The following SLC35F4 variants were observed in gnomAD, a reference collection of about 807,000 sequenced individuals.
The protein encoded by SLC35F4 is chromosome 14 open reading frame 36.
A neutral mutation model predicts 44.2 loss-of-function variants in SLC35F4; 24 were observed. The observed-to-expected ratio is 0.54, with a 90% CI of 0.39 to 0.76. The LOEUF is 0.76. Among genes scored for constraint, SLC35F4 ranks in the 30% least tolerant of loss-of-function variants. The pLI is 0.00. For synonymous variants in SLC35F4, 238 were observed against 223.6 expected (o/e 1.06, Z -0.57); for missense variants, 562 against 586.1 (o/e 0.96, Z 0.42).
intron 1 of SLC35F4, among the ~76,000 whole-genome samples, chr14:57,835,118 A>G (rs1252649941): frequency 6.6e-6 from 1 of 152,218 alleles, no homozygotes; most frequent in Non-Finnish European, 1.5e-5. Context: ...TGCCACAGAA[A>G]CATGAAAATA....
intron 1 of SLC35F4, among the ~76,000 whole-genome samples, chr14:57,764,312 T>TAA (rs138668288): frequency 1.3e-5 from 2 of 148,422 alleles, no homozygotes; most frequent in Non-Finnish European, 3.0e-5. Flanking sequence ...CTGTAGGTTC[T>TAA]AAAAAAAAAA....
At chr14:57,743,589 T>G (rs1051166614) in intron 1 of SLC35F4, among the ~76,000 whole-genome samples, 1 of 152,148 alleles carries the variant, frequency 6.6e-6, no homozygotes, top group African/African-American at 2.4e-5. Flanking sequence ...ATTAATAGCC[T>G]ACCAACCAGA....
chr14:57,647,059 GA>G (rs1247542210), intron 1 of SLC35F4, among the ~76,000 whole-genome samples: 1 of 152,090 alleles, frequency 6.6e-6, no homozygotes, highest in Non-Finnish European at 1.5e-5. Context: ...GTCAATTTTG[GA>G]ATAGGTGTCA....
chr14:57,604,773 A>G (rs2071049078), intron 1 of SLC35F4, among the ~76,000 whole-genome samples: 1 of 152,222 alleles, frequency 6.6e-6, no homozygotes. Flanking sequence ...AGACCAATGG[A>G]ACAGAATAGA....
chr14:57,565,724 G>T (rs2068173061), intron 7 of SLC35F4, among the ~76,000 whole-genome samples: 1 of 149,030 alleles, frequency 6.7e-6, no homozygotes, highest in African/African-American at 2.4e-5. Context: ...TTTCATGTAG[G>T]TTGGCCTTCT....
chr14:57,706,215 T>C (rs8015832), intron 1 of SLC35F4, among the ~76,000 whole-genome samples: 11,175 of 152,256 alleles, frequency 0.073, 994 homozygotes, highest in African/African-American at 0.21. Context: ...TCCATCTATG[T>C]AAAAAATTTA....
At chr14:57,672,285 A>G (rs2074545202) in intron 1 of SLC35F4, among the ~76,000 whole-genome samples, 1 of 152,056 alleles carries the variant, frequency 6.6e-6, no homozygotes. Flanking sequence ...AAGATCCTGC[A>G]AACATCCCAC....
chr14:57,565,380 G>A (rs1198267994), intron 7 of SLC35F4, among the ~76,000 whole-genome samples: 1 of 152,136 alleles, frequency 6.6e-6, no homozygotes, highest in Admixed American at 6.5e-5. Context: ...GAAGCCTTTT[G>A]GATGCTCCTC....
At chr14:57,608,370 A>T (rs1056349740) in intron 1 of SLC35F4, among the ~76,000 whole-genome samples, 2 of 152,182 alleles carry the variant, frequency 1.3e-5, no homozygotes, top group Non-Finnish European at 2.9e-5. Flanking sequence ...AAAAAGGGAA[A>T]ACTTGGGCAC....
intron 4 of SLC35F4, among the ~76,000 whole-genome samples, chr14:57,573,444 G>T (rs916027547): frequency 6.6e-6 from 1 of 152,212 alleles, no homozygotes. Flanking sequence ...ATTCTCTGAA[G>T]CTGCCGGGTG....
chr14:57,825,286 AAT>A (rs1257740465), intron 1 of SLC35F4, among the ~76,000 whole-genome samples: 1 of 152,178 alleles, frequency 6.6e-6, no homozygotes, highest in Non-Finnish European at 1.5e-5. Flanking sequence ...AAGCCTTAGA[AAT>A]GTCTGGGAAA....
At chr14:57,915,369 GTCAC>G (rs1889302525) in intron 1 of SLC35F4, among the ~76,000 whole-genome samples, 1 of 152,080 alleles carries the variant, frequency 6.6e-6, no homozygotes, top group Non-Finnish European at 1.5e-5. Flanking sequence ...TTAACAAATG[GTCAC>G]TTGGCCACAC....
At chr14:57,593,805 G>T in intron 2 of SLC35F4, 134 bp downstream of exon 2, 1 of 927,432 alleles carries the variant, frequency 1.1e-6, no homozygotes. Context: ...CTTATCCTCC[G>T]GCTTGATAAA....
intron 1 of SLC35F4, among the ~76,000 whole-genome samples, chr14:57,803,646 A>G (rs1880941283): frequency 7.1e-6 from 1 of 141,778 alleles, no homozygotes; most frequent in African/African-American, 2.7e-5. Context: ...CTGGGGTACG[A>G]AGGCACGATC....
In SLC35F4 at chr14:57,602,039, A is replaced by G. The variant is rs1006757155; in HGVS notation, c.104-7915T>C. On this transcript the variant is annotated intron_variant, in intron 1 of 7. Transcript: ENST00000556826. ...TCCTTCTGTAGGCAAAAAGGTTACA[A>G]TCTTGCTGGGAAGATAATATATATT... 2.6e-5 allele frequency among the ~76,000 whole-genome samples: 4 copies of G among 152,186 alleles called. No homozygotes were observed. The East Asian group carries it at 5.8e-4, about 22-fold the overall frequency.
intron 1 of SLC35F4, among the ~76,000 whole-genome samples, chr14:57,616,405 C>T (rs186003119): frequency 1.8e-4 from 28 of 152,266 alleles, no homozygotes; most frequent in Non-Finnish European, 4.4e-5. Flanking sequence ...TGATTAACTG[C>T]CCCCTTGGGT....
At chr14:57,650,228 G>A (rs1372706250) in intron 1 of SLC35F4, among the ~76,000 whole-genome samples, 1 of 152,044 alleles carries the variant, frequency 6.6e-6, no homozygotes, top group Non-Finnish European at 1.5e-5. Flanking sequence ...ATCATTCCAA[G>A]TTGTCTCTAG....
At chr14:57,676,270 G>C (rs752401672) in intron 1 of SLC35F4, among the ~76,000 whole-genome samples, 21 of 152,222 alleles carry the variant, frequency 1.4e-4, no homozygotes, top group Admixed American at 1.1e-3. Flanking sequence ...ACTAGATCAT[G>C]TCCTTTGCAG....
At position 57,766,854 on chromosome 14, in the gene SLC35F4, A is replaced by G. The variant is rs115389008; in HGVS notation, c.103+98869T>C. Among the ~76,000 whole-genome samples, 1,022 of 152,348 alleles carry G rather than the reference A, an allele frequency of 6.7e-3. 14 individuals carry two copies. Among genetic ancestry groups the G allele is most frequent in the African/African-American group, 0.023 (964 of 41,566 alleles). ...ATTACCTTAAATGTAAATAGCCCAA[A>G]TATACAAATCAAAAGACAGAGAGTG... On this transcript the variant is annotated intron_variant, in intron 1 of 7. Coordinates refer to ENST00000556826, the MANE Select transcript of SLC35F4 (RefSeq NM_001306087.2).
Sources: gnomAD v4.1 joint callset for allele counts (sites outside exome capture counted in the v4.1 genomes callset) on GRCh38, gnomAD v4.1.1 for gene constraint, MANE v1.5 for transcripts, NCBI Gene and HGNC (gene_info 2026-07-23, HGNC 2026-07-21) for gene names.